Variants in USP24 observed in about 807,000 individuals in gnomAD.
USP24 encodes the protein ubiquitin carboxyl-terminal hydrolase 24.
USP24 carries 97 observed loss-of-function variants against 361.6 expected under a neutral mutation model. The ratio of observed to expected loss-of-function variants is 0.27; its 90% CI spans 0.23 to 0.32. The LOEUF is 0.32. USP24 is among the 10% of genes least tolerant of loss of function. The pLI is 1.00. For missense variants in USP24, 2,353 were observed against 3,165.6 expected (o/e 0.74, Z 6.16); for synonymous variants, 1,098 against 1,124.6 (o/e 0.98, Z 0.47).
intron 41 of USP24, 22 bp from the exon 42 acceptor site, chr1:55,104,042 C>A: frequency 6.3e-7 from 1 of 1,580,526 alleles, no homozygotes; most frequent in South Asian, 1.2e-5. Flanking sequence ...AGACACAAGT[C>A]AATTTCAACA....
intron 8 of USP24, among the ~76,000 whole-genome samples, chr1:55,160,296 C>T (rs963043565): frequency 1.3e-4 from 20 of 152,182 alleles, no homozygotes; most frequent in African/African-American, 4.6e-4. Flanking sequence ...GCCAAGAATA[C>T]ATTAGCAATG....
chr1:55,178,138 G>A lies in USP24; in HGVS notation c.325-6C>T, dbSNP rs1172173543. On this transcript the variant is annotated splice_region_variant and splice_polypyrimidine_tract_variant and intron_variant, in intron 1 of 67. Coordinates refer to ENST00000294383, the MANE Select transcript of USP24 (RefSeq NM_015306.3). ...TTTCCATTCTCATCATTCTTCTGAC[G>A]AAAAGGGATTAAGATAAAAAGCAAA... The A allele has an allele frequency of 5.9e-6, 9 of 1,526,516 alleles. No individual in the cohort carries two copies. Among genetic ancestry groups the A allele is most frequent in the African/African-American group, 3.1e-5 (2 of 65,296 alleles). 94.6% of individuals were successfully genotyped at this position (1,526,516 alleles called of 1,614,324 possible). A position where few individuals can be genotyped will look rare whatever the true frequency, so the allele number is the denominator to read the frequency against.
chr1:55,091,858 T>C (rs898072858), intron 54 of USP24, among the ~76,000 whole-genome samples, 165 bp downstream of exon 54: 7 of 152,210 alleles, frequency 4.6e-5, no homozygotes, highest in African/African-American at 1.4e-4. Flanking sequence ...GTTTGAGCTA[T>C]TCTTTCCATT....
intron 1 of USP24, among the ~76,000 whole-genome samples, chr1:55,194,522 A>G (rs1344111834): frequency 6.6e-6 from 1 of 152,028 alleles, no homozygotes; most frequent in Non-Finnish European, 1.5e-5. Flanking sequence ...TGATCACTTG[A>G]GCTCAGAGGG....
intron 16 of USP24, among the ~76,000 whole-genome samples, chr1:55,151,126 T>C (rs993138308): frequency 1.1e-4 from 16 of 152,234 alleles, no homozygotes; most frequent in African/African-American, 3.6e-4. Context: ...ATAACTTCTT[T>C]GGAGACATAA....
chr1:55,189,198 T>C (rs544663852), intron 1 of USP24, among the ~76,000 whole-genome samples: 65 of 152,286 alleles, frequency 4.3e-4, no homozygotes, highest in Admixed American at 2.7e-3. Flanking sequence ...AAAACACGTA[T>C]ACATGAGTGT....
At chr1:55,069,922 G>GT (rs1178642023) in intron 67 of USP24, among the ~76,000 whole-genome samples, 2 of 150,508 alleles carry the variant, frequency 1.3e-5, no homozygotes, top group African/African-American at 4.9e-5. Flanking sequence ...GGGTGGGGAG[G>GT]TGCGCAGGTG....
chr1:55,111,401 CAT>C lies in USP24; in HGVS notation c.4509-1157_4509-1156del, dbSNP rs1295940422. ...GAGGAACTTAATATTAAATAAAAAA[CAT>C]GTACTTATATTAAGTGAACTGACTT... On this transcript the variant is annotated intron_variant, in intron 38 of 67. Transcript: ENST00000294383. 5.3e-5 allele frequency among the ~76,000 whole-genome samples: 8 copies of C among 152,046 alleles called. No individual in the cohort carries two copies. The South Asian group carries it at 6.2e-4, about 12-fold the overall frequency.
rs1388765388 is a variant in USP24 at position 55,178,100 on chromosome 1, T to C, written c.357A>G (p.Glu119=). 1 of 1,551,404 alleles carries C rather than the reference T, an allele frequency of 6.4e-7. No homozygotes were observed. The highest frequency in any genetic ancestry group is 8.7e-7 in the Non-Finnish European group (1 of 1,146,848). Residue 119 remains glutamate, a synonymous_variant, in exon 2 of 68, where the codon GAA becomes GAG. Coordinates refer to ENST00000294383, the MANE Select transcript of USP24 (RefSeq NM_015306.3). ...AATTTGTTGTAGGGAATTCAATTCC[T>C]TCCCCTGAGCAGTTTCCATTCTCAT... ...KNDENGNCSG[E]GIEFPTTNLY... is the part of the protein sequence containing the mutation.
In USP24 at chr1:55,182,265, T is replaced by C. The variant is rs551147181; in HGVS notation, c.325-4133A>G. ...CGGGGTTTCACCATGTTGGCCAGGATGGTCTCGATCTCTTGACCTCATCGT... is the reference window on the plus strand; with the variant it reads ...CGGGGTTTCACCATGTTGGCCAGGACGGTCTCGATCTCTTGACCTCATCGT... On this transcript the variant is annotated intron_variant, in intron 1 of 67. Transcript: ENST00000294383. Among the ~76,000 whole-genome samples the C allele has an allele frequency of 4.6e-5, 7 of 152,300 alleles. No individual in the cohort carries two copies. The South Asian group carries it at 1.5e-3, about 32-fold the overall frequency.
At chr1:55,181,677 C>T (rs897515688) in intron 1 of USP24, among the ~76,000 whole-genome samples, 61 of 152,192 alleles carry the variant, frequency 4.0e-4, no homozygotes, top group Middle Eastern at 6.8e-3. Flanking sequence ...TATATCAAAT[C>T]ATACATAAAA....
At chr1:55,121,380 A>G in intron 37 of USP24, 56 bp downstream of exon 37, 1 of 1,508,584 alleles carries the variant, frequency 6.6e-7, no homozygotes, top group Middle Eastern at 1.7e-4. Flanking sequence ...TAGTTGAGAC[A>G]GCTCACAAAA....
Position 55,125,464 on chromosome 1 carries a change from T to C in USP24, c.3816A>G (p.Pro1272=), listed in dbSNP as rs1646400883. 1.2e-6 allele frequency: 2 copies of C among 1,613,896 alleles called. No homozygotes were observed. The highest frequency in any genetic ancestry group is 1.7e-5 in the Admixed American group (1 of 60,010). The change falls in exon 34 of 68, where the codon CCA becomes CCG. Residue 1272 remains proline, a synonymous_variant. Coordinates refer to ENST00000294383, the MANE Select transcript of USP24 (RefSeq NM_015306.3). ...KDGIEALSSR[P]FRNVSRQTSR... is the part of the protein sequence containing the mutation. Reference sequence around the variant, plus strand: ...TTGTCTGCCGGCTGACATTTCGGAATGGGCGGGAAGAAAGTGCTTCTATAC... The same window carrying C: ...TTGTCTGCCGGCTGACATTTCGGAACGGGCGGGAAGAAAGTGCTTCTATAC...
chr1:55,195,029 A>T (rs1029720317), intron 1 of USP24, among the ~76,000 whole-genome samples: 2 of 151,910 alleles, frequency 1.3e-5, no homozygotes, highest in Admixed American at 6.6e-5. Context: ...AACAAAACAA[A>T]ACAAAACGAA....
At chr1:55,072,068 C>G (rs1311188726) in intron 66 of USP24, 144 bp from the exon 67 acceptor site, 7 of 790,724 alleles carry the variant, frequency 8.9e-6, no homozygotes, top group Non-Finnish European at 1.5e-5. Flanking sequence ...CCAGAACCCC[C>G]TCAACCCCTG....
intron 42 of USP24, among the ~76,000 whole-genome samples, chr1:55,102,954 A>G (rs1485574892): frequency 2.0e-5 from 3 of 152,178 alleles, no homozygotes; most frequent in Non-Finnish European, 4.4e-5. Flanking sequence ...CCCTCTATTT[A>G]GGACATCTGT....
At chr1:55,166,032 G>T in intron 6 of USP24, 82 bp from the exon 7 acceptor site, 1 of 1,311,472 alleles carries the variant, frequency 7.6e-7, no homozygotes, top group Non-Finnish European at 1.0e-6. Flanking sequence ...TACATAGTAG[G>T]TGTATATGTT....
intron 60 of USP24, 65 bp downstream of exon 60, chr1:55,079,473 G>A (rs751576592): frequency 7.1e-6 from 11 of 1,540,328 alleles, no homozygotes; most frequent in Non-Finnish European, 8.7e-6. Flanking sequence ...AACATAACTC[G>A]TAACAAAAAG....
At chr1:55,115,488 T>C (rs1375195387) in intron 38 of USP24, among the ~76,000 whole-genome samples, 2 of 7,068 alleles carry the variant, frequency 2.8e-4, no homozygotes, top group South Asian at 0.028. Context: ...AGAGCGAGAC[T>C]CCGCCTCAAA....
Sources: allele counts gnomAD v4.1 joint callset (sites outside exome capture counted in the v4.1 genomes callset), GRCh38; gene constraint gnomAD v4.1.1; transcripts MANE v1.5; gene names NCBI Gene and HGNC (gene_info 2026-07-23, HGNC 2026-07-21).